EPS8L1: variants seen among roughly 807,000 people sequenced by gnomAD.
EPS8L1 encodes EPS8 signaling adaptor L1.
In EPS8L1, 101 loss-of-function variants were observed where a neutral mutation model predicts 91.7. The observed-to-expected ratio is 1.10, with a 90% CI of 0.94 to 1.30. EPS8L1 has a LOEUF of 1.30. Among genes scored for constraint, EPS8L1 ranks in the 50% most tolerant of loss-of-function variants. EPS8L1 has a pLI of 0.00. For synonymous variants in EPS8L1, 506 were observed against 445.3 expected (o/e 1.14, Z -1.72); for missense variants, 1,114 against 1,017.0 (o/e 1.10, Z -1.30).
intron 2 of EPS8L1, 122 bp from the exon 3 acceptor site, chr19:55,077,966 A>C: frequency 2.4e-6 from 1 of 411,930 alleles, no homozygotes; most frequent in Non-Finnish European, 4.2e-6. Context: ...TAATAATAAT[A>C]ATAATAACCC....
rs752871182 is a variant in EPS8L1 at position 55,081,299 on chromosome 19, C to T, written c.581C>T (p.Pro194Leu). Reference protein sequence around the residue: ...AAETPPLQRRPSVRAVISTVE... With the variant: ...AAETPPLQRRLSVRAVISTVE... The stretch of plus-strand genomic sequence containing the variant: ...GAGACCCCGCCCCTGCAGCGCCGCC[C>T]GTCAGTCCGCGCAGTGATCAGCACC... The change falls in exon 8 of 20, where the codon CCG (proline) becomes CTG (leucine). Residue 194 changes from proline to leucine, a missense_variant. Pro to Leu is a moderately conservative substitution (Grantham distance 98). Transcript: ENST00000201647. The surrounding 1 kb of genome is among the most constrained non-coding windows in gnomAD (Gnocchi z 4.9). The T allele has an allele frequency of 6.5e-7, 1 of 1,547,216 alleles. No individual in the cohort carries two copies. Among genetic ancestry groups the T allele is most frequent in the Non-Finnish European group, 8.7e-7 (1 of 1,152,820 alleles).
At chr19:55,077,126 C>G (rs930719156) in intron 2 of EPS8L1, among the ~76,000 whole-genome samples, 35 of 152,046 alleles carry the variant, frequency 2.3e-4, no homozygotes, top group African/African-American at 8.5e-4. Flanking sequence ...TATGTGCATG[C>G]AAGTGGGGAT....
chr19:55,080,782 T>C lies in EPS8L1; in HGVS notation c.440T>C (p.Ile147Thr), dbSNP rs2076239465. 5.0e-6 allele frequency: 8 copies of C among 1,608,930 alleles called. No homozygotes were observed. In the East Asian group the frequency reaches 1.3e-4, roughly 27 times the overall value. The part of the protein sequence containing the change: ...FQGLRLGAEL[I>T]REDIQGALHN... ...CGGTGTGATTGGCAGGCGGAGCTGA[T>C]CCGAGAGGACATCCAGGGGGCTCTG... The change falls in exon 7 of 20, where the codon ATC becomes ACC. Residue 147 changes from isoleucine (I) to threonine (T), a missense_variant. Transcript: ENST00000201647.
In EPS8L1 at chr19:55,086,453, C is replaced by G. The variant is rs561254058; in HGVS notation, c.1712C>G (p.Pro571Arg). Residue 571 changes from proline to arginine, a missense_variant, in exon 17 of 20, where the codon CCC becomes CGC. Coordinates refer to ENST00000201647, the MANE Select transcript of EPS8L1 (RefSeq NM_133180.3). ...GCCCCACCTCCAGCTCTGGCTCGGC[C>G]CCGCTGGGACAGGCCCCGCTGGGAC... ...APAPPPALAR[P>R]RWDRPRWDSC... is the part of the protein sequence containing the mutation. The G allele has an allele frequency of 6.4e-7, 1 of 1,552,754 alleles. No homozygotes were observed. Among genetic ancestry groups the G allele is most frequent in the East Asian group, 2.4e-5 (1 of 41,088 alleles).
rs1161905211 is a variant in EPS8L1, at chr19:55,081,282, G to C, written c.564G>C (p.Pro188=). Residue 188 remains proline (P), a synonymous_variant, in exon 8 of 20, where the codon CCG becomes CCC. Transcript: ENST00000201647. This position sits in a 1 kb window ranked among gnomAD's most constrained non-coding sequence, Gnocchi z 4.9. ...ACCGCTCGCCCGCCGCTGAGACCCC[G>C]CCCCTGCAGCGCCGCCCGTCAGTCC... ...QRDRSPAAET[P]PLQRRPSVRA... 1 of 1,542,580 alleles carries C rather than the reference G, an allele frequency of 6.5e-7. No individual in the cohort carries two copies. Among genetic ancestry groups the C allele is most frequent in the Non-Finnish European group, 8.7e-7 (1 of 1,152,944 alleles).
chr19:55,086,998 G>T, intron 18 of EPS8L1, 110 bp downstream of exon 18: 1 of 1,346,604 alleles, frequency 7.4e-7, no homozygotes, highest in Non-Finnish European at 9.7e-7. Flanking sequence ...ACAGGGAGCC[G>T]GGATTAGCCC....
In EPS8L1 at chr19:55,077,937, A is replaced by G. The variant is rs1294655206; in HGVS notation, c.18-151A>G. On this transcript the variant is annotated intron_variant, in intron 2 of 19. Transcript: ENST00000201647. ...TGGCTCTGAGCTCTCCTGCTCAATA[A>G]TAATAATAATAATAATAATAATAAT... The G allele has an allele frequency of 4.3e-5, 9 of 210,886 alleles. No homozygotes were observed. In the Admixed American group the frequency reaches 5.7e-4, roughly 13 times the overall value. 13.1% of individuals were successfully genotyped at this position (210,886 alleles called of 1,614,324 possible). A position where few individuals can be genotyped will look rare whatever the true frequency, so the allele number is the denominator to read the frequency against.
intron 17 of EPS8L1, 34 bp from the exon 18 acceptor site, chr19:55,086,680 C>A: frequency 6.3e-7 from 1 of 1,588,620 alleles, no homozygotes; most frequent in Non-Finnish European, 8.6e-7. Flanking sequence ...CGCCCTGAGC[C>A]CGCACTCCCT....
Position 55,082,348 on chromosome 19 carries a change from T to C in EPS8L1, c.1064T>C (p.Met355Thr), listed in dbSNP as rs1268100934. ...CACTTCCTTTTCGGGCCTCTGCAGA[T>C]GGTGAGACCCGCCCCAGGCCCTCGG... ...LLHFLFGPLQ[M>T]IVNTSGGPEF... Residue 355 changes from methionine (M) to threonine (T), a missense_variant and splice_region_variant, in exon 11 of 20, where the codon ATG becomes ACG. Transcript: ENST00000201647. 1.2e-6 allele frequency: 2 copies of C among 1,612,734 alleles called. No homozygotes were observed. Among genetic ancestry groups the C allele is most frequent in the East Asian group, 2.2e-5 (1 of 44,856 alleles).
At chr19:55,086,955 G>A in intron 18 of EPS8L1, 67 bp downstream of exon 18, 1 of 1,399,280 alleles carries the variant, frequency 7.1e-7, no homozygotes, top group South Asian at 1.6e-5. Context: ...GTTCCGATCG[G>A]CCGGGAGTCG....
Position 55,083,080 on chromosome 19 carries a change from T to C in EPS8L1, c.1215-298T>C, listed in dbSNP as rs983757956. Among the ~76,000 whole-genome samples the C allele has an allele frequency of 6.6e-6, 1 of 152,110 alleles. No individual in the cohort carries two copies. Among genetic ancestry groups the C allele is most frequent in the African/African-American group, 2.4e-5 (1 of 41,422 alleles). On this transcript the variant is annotated intron_variant, in intron 12 of 19. Coordinates refer to ENST00000201647, the MANE Select transcript of EPS8L1 (RefSeq NM_133180.3). The surrounding 1 kb of genome is among the most constrained non-coding windows in gnomAD (Gnocchi z 4.7). Reference sequence around the variant, plus strand: ...GGCAATTTTTTTCCAGAGAGAGAGATGGATGGGGTCTCAATATTTTGCCCA... The same window carrying C: ...GGCAATTTTTTTCCAGAGAGAGAGACGGATGGGGTCTCAATATTTTGCCCA...
Position 55,078,024 on chromosome 19 carries a change from T to G in EPS8L1, c.18-64T>G, listed in dbSNP as rs2076166538. On this transcript the variant is annotated intron_variant, in intron 2 of 19. Transcript: ENST00000201647. ...CGTCATGAAGCCCTTGCTGCCCTGC[T>G]TGGCATTTCCACAGGATCTGCCCCC... 4 of 1,525,488 alleles carry G rather than the reference T, an allele frequency of 2.6e-6. No individual in the cohort carries two copies. The South Asian group carries it at 4.6e-5, about 17-fold the overall frequency. 94.5% of individuals were successfully genotyped at this position (1,525,488 alleles called of 1,614,324 possible).
intron 12 of EPS8L1, among the ~76,000 whole-genome samples, chr19:55,082,973 T>C (rs2147153563): frequency 6.6e-6 from 1 of 152,230 alleles, no homozygotes; most frequent in Admixed American, 6.5e-5. Flanking sequence ...GGCTGGCAGT[T>C]CCGCAGGGAA....
intron 1 of EPS8L1, 132 bp downstream of exon 1, chr19:55,076,051 GAGGA>G (rs1813554479): frequency 5.0e-6 from 1 of 199,316 alleles, no homozygotes; most frequent in Admixed American, 6.3e-5. Flanking sequence ...GGGTCTGAGG[GAGGA>G]GGGCCTGGGG....
At chr19:55,086,324 A>T in intron 16 of EPS8L1, 68 bp from the exon 17 acceptor site, 1 of 1,606,768 alleles carries the variant, frequency 6.2e-7, no homozygotes, top group South Asian at 1.1e-5. Context: ...ATGCATCTCC[A>T]GAAAGGGGAG....
At chr19:55,086,635 G>GGGCCCCCCCCCCC in intron 17 of EPS8L1, 79 bp from the exon 18 acceptor site, 4 of 1,307,698 alleles carry the variant, frequency 3.1e-6, no homozygotes, top group Non-Finnish European at 4.2e-6. Flanking sequence ...ACGCTGGAGC[G>GGGCCCCCCCCCCC]CCCCCCCGCC....
rs924949180 is a variant in EPS8L1 at position 55,087,854 on chromosome 19, G to A, written c.*240G>A. 1.3e-5 allele frequency: 7 copies of A among 547,398 alleles called. No individual in the cohort carries two copies. Among genetic ancestry groups the A allele is most frequent in the Non-Finnish European group, 2.0e-5 (6 of 303,344 alleles). 33.9% of individuals were successfully genotyped at this position (547,398 alleles called of 1,614,324 possible). ...CTACGGAAAGCGCTAGCAGACCCCC[G>A]AGAGGGTGCAGTGGAGCCCTGAGCA... On this transcript the variant is annotated 3_prime_UTR_variant, in exon 20 of 20. Coordinates refer to ENST00000201647, the MANE Select transcript of EPS8L1 (RefSeq NM_133180.3).
Position 55,081,463 on chromosome 19 carries a change from C to G in EPS8L1, c.745C>G (p.Leu249Val), listed in dbSNP as rs1434559171. The G allele has an allele frequency of 6.3e-7, 1 of 1,595,334 alleles. No individual in the cohort carries two copies. Among genetic ancestry groups the G allele is most frequent in the Admixed American group, 1.7e-5 (1 of 57,496 alleles). ...GGACCTGGGTCCCCGGGGTCCTGAC[C>G]TGGCGGTTCTGCAGGCGGAGCGGGA... ...SPDLGPRGPD[L>V]AVLQAEREVD... The change falls in exon 8 of 20, where the codon CTG becomes GTG. Residue 249 changes from leucine to valine, a missense_variant. Leu to Val is a conservative substitution (Grantham distance 32, BLOSUM62 1). Transcript: ENST00000201647. The surrounding 1 kb of genome is among the most constrained non-coding windows in gnomAD (Gnocchi z 4.9).
At chr19:55,080,881 T>C in intron 7 of EPS8L1, 27 bp downstream of exon 7, 2 of 1,579,678 alleles carry the variant, frequency 1.3e-6, no homozygotes, top group Admixed American at 1.8e-5. Flanking sequence ...TGGCAGGGTC[T>C]CTGGGAAGCC....
Sources: gnomAD v4.1 joint callset for allele counts (sites outside exome capture counted in the v4.1 genomes callset) on GRCh38, gnomAD v4.1.1 for gene constraint, Gnocchi (gnomAD v3.1) non-coding constraint, MANE v1.5 for transcripts, NCBI Gene and HGNC (gene_info 2026-07-23, HGNC 2026-07-21) for gene names.